The following NRDE2 variants were observed in gnomAD, a reference collection of about 807,000 sequenced individuals.
NRDE2 encodes NRDE-2, necessary for RNA interference, domain containing.
Under a neutral mutation model 124.2 loss-of-function variants are expected in NRDE2, and 76 were observed. That is an observed-to-expected ratio of 0.61 (90% CI 0.51 to 0.74). NRDE2 has a LOEUF of 0.74. Ranked by LOEUF, NRDE2 falls within the 30% of genes least tolerant of loss-of-function variation. The probability of loss-of-function intolerance (pLI) is 0.00; values close to 1 mark genes in which losing one functional copy is unlikely to be tolerated. For missense variants in NRDE2, 1,314 were observed against 1,417.3 expected, an observed-to-expected ratio of 0.93 and a Z score of 1.17; for synonymous variants, 489 against 528.1, an observed-to-expected ratio of 0.93 and a Z score of 1.01.
At chr14:90,295,068 G>A (rs1327422875) in intron 8 of NRDE2, among the ~76,000 whole-genome samples, 1 of 152,122 alleles carries the variant, frequency 6.6e-6, no homozygotes, top group African/African-American at 2.4e-5. Context: ...AAACTGCCTA[G>A]TACCATAGAA....
rs754413156 is a variant in NRDE2 at position 90,302,842 on chromosome 14, CT to C, written c.1288del (p.Ser430ValfsTer16). 1 of 1,614,154 alleles carries C rather than the reference CT, an allele frequency of 6.2e-7. No individual in the cohort carries two copies. The highest frequency in any genetic ancestry group is 1.3e-5 in the African/African-American group (1 of 75,064). ...KYLLFCQSQF[S>X]TFSISKIHSL... Reference sequence around the variant, plus strand: ...GTGAATTTTTGATATCGAAAAGGTACTAAACTGGCTCTGGCAAAATAAAAGG... The same window carrying C: ...GTGAATTTTTGATATCGAAAAGGTACAAACTGGCTCTGGCAAAATAAAAGG... On this transcript the variant is annotated frameshift_variant, in exon 6 of 14. Coordinates refer to ENST00000354366, the MANE Select transcript of NRDE2 (RefSeq NM_017970.4). LOFTEE classifies it high-confidence loss of function.
chr14:90,306,637 C>T (rs1884612392), intron 4 of NRDE2, among the ~76,000 whole-genome samples: 1 of 151,700 alleles, frequency 6.6e-6, no homozygotes, highest in African/African-American at 2.4e-5. Context: ...ATGGTGAAAC[C>T]CCGTCTCTAC....
rs562444556 is a variant in NRDE2 at position 90,276,244 on chromosome 14, A to T, written c.*2092T>A. 2 of 109,546 alleles carry T rather than the reference A, an allele frequency of 1.8e-5. No individual in the cohort carries two copies. The highest frequency in any genetic ancestry group is 1.2e-4 in the Admixed American group (1 of 8,158). The allele number at this position is 109,546 out of a possible 1,614,324, so 6.8% of individuals were successfully genotyped here. On this transcript the variant is annotated 3_prime_UTR_variant, in exon 14 of 14. Transcript: ENST00000354366. ...TTTTTTTTTTTTTTTTTCGAGACGG[A>T]GTCTTGCTGTGTCGCCCAGGCTGGA... is the stretch of plus-strand genomic sequence containing the variant.
At chr14:90,309,804 T>C (rs569187088) in intron 4 of NRDE2, among the ~76,000 whole-genome samples, 5 of 152,314 alleles carry the variant, frequency 3.3e-5, no homozygotes, top group African/African-American at 1.2e-4. Context: ...TTAACAGTTA[T>C]ATAGCTACTA....
intron 4 of NRDE2, 21 bp downstream of exon 4, chr14:90,312,372 TG>T (rs768903039): frequency 1.4e-4 from 218 of 1,612,372 alleles, no homozygotes; most frequent in Non-Finnish European, 1.8e-4. Flanking sequence ...CAGTGAAAAC[TG>T]GGGGAAAACA....
At chr14:90,308,078 G>C (rs950379162) in intron 4 of NRDE2, among the ~76,000 whole-genome samples, 1 of 152,146 alleles carries the variant, frequency 6.6e-6, no homozygotes, top group Non-Finnish European at 1.5e-5. Context: ...TTAGAAGAGT[G>C]TCTGCCATAT....
At chr14:90,315,945 G>A (rs114837455) in intron 3 of NRDE2, among the ~76,000 whole-genome samples, 1,273 of 95,928 alleles carry the variant, frequency 0.013, 23 homozygotes, top group African/African-American at 0.05. Context: ...CAACTGGAGT[G>A]AAACCCCGTC....
At chr14:90,288,111 G>A (rs560473804) in intron 11 of NRDE2, 106 bp downstream of exon 11, 18 of 1,033,556 alleles carry the variant, frequency 1.7e-5, no homozygotes, top group South Asian at 9.3e-5. Flanking sequence ...TCTGGGCACC[G>A]TGCCATGTTC....
rs1448840896 is a variant in NRDE2 at position 90,290,465 on chromosome 14, T to C, written c.1985A>G (p.Asp662Gly). 1 of 1,613,866 alleles carries C rather than the reference T, an allele frequency of 6.2e-7. No individual in the cohort carries two copies. Among genetic ancestry groups the C allele is most frequent in the African/African-American group, 1.3e-5 (1 of 74,866 alleles). ...TCCATTATCAAAGATGCTGTTCTCA[T>C]CCATGGCCAGATAAAGACAGGAGGC... ...PPASCLYLAM[D>G]ENSIFDNGLY... The change falls in exon 10 of 14, where the codon GAT (aspartate) becomes GGT (glycine). Residue 662 changes from aspartate to glycine, a missense_variant. By Grantham distance (94) the Asp-to-Gly change is moderately conservative (BLOSUM62 -1). Transcript: ENST00000354366.
chr14:90,292,642 G>A lies in NRDE2; in HGVS notation c.1842+55C>T, dbSNP rs548320826. On this transcript the variant is annotated intron_variant, in intron 9 of 13. Transcript: ENST00000354366. ...CAGATAACCAAAGCGCATGGGAATG[G>A]AAAGCAGGCAGGGACCCCCTGGACA... 7 of 1,571,384 alleles carry A rather than the reference G, an allele frequency of 4.5e-6. No homozygotes were observed. In the South Asian group the frequency reaches 6.8e-5, roughly 15 times the overall value.
intron 5 of NRDE2, 57 bp downstream of exon 5, chr14:90,303,878 T>C (rs1595067341): frequency 4.7e-6 from 7 of 1,493,356 alleles, no homozygotes; most frequent in Middle Eastern, 1.9e-4. Flanking sequence ...GTCCATCAGT[T>C]TGCCCAAAAT....
chr14:90,269,559 C>T lies in NRDE2; in HGVS notation c.*8777G>A, dbSNP rs1891606754. 1 of 1,611,738 alleles carries T rather than the reference C, an allele frequency of 6.2e-7. No individual in the cohort carries two copies. The highest frequency in any genetic ancestry group is 8.5e-7 in the Non-Finnish European group (1 of 1,178,794). On this transcript the variant is annotated 3_prime_UTR_variant, in exon 14 of 14. Transcript: ENST00000354366. ...CACTTATCAGACCAGGTTAAATTTG[C>T]TTTGGTTTCATCATGGAGATTAATG...
At chr14:90,303,698 C>T (rs186119042) in intron 5 of NRDE2, among the ~76,000 whole-genome samples, 56 of 152,330 alleles carry the variant, frequency 3.7e-4, no homozygotes, top group Admixed American at 3.5e-3. Context: ...CATTCCCTCA[C>T]TCCACTCCCA....
chr14:90,290,373 T>C lies in NRDE2; in HGVS notation c.2077A>G (p.Met693Val). 6.2e-7 allele frequency: 1 copy of C among 1,614,120 alleles called. No individual in the cohort carries two copies. The highest frequency in any genetic ancestry group is 8.5e-7 in the Non-Finnish European group (1 of 1,180,030). The change falls in exon 10 of 14, where the codon ATG becomes GTG. Residue 693 changes from methionine to valine, a missense_variant. Transcript: ENST00000354366. The stretch of plus-strand genomic sequence containing the variant: ...CAGCGAGGATAGCCCAACCTATCCA[T>C]GCGGCCAACACAGCTAGCCCCAGAA... Reference protein sequence around the residue: ...LFSGASCVGRMDRLGYPRWTR... With the variant: ...LFSGASCVGRVDRLGYPRWTR...
chr14:90,267,958 A>G lies in NRDE2; in HGVS notation c.*10378T>C. ...CAGGGGAAACTGGGTCAAGGTTGGA[A>G]AATAACCAAGTAAAAAGTATTTTCT... On this transcript the variant is annotated 3_prime_UTR_variant, in exon 14 of 14. Transcript: ENST00000354366. 1 of 337,986 alleles carries G rather than the reference A, an allele frequency of 3.0e-6. No individual in the cohort carries two copies. The allele number at this position is 337,986 out of a possible 1,614,324, so 20.9% of individuals were successfully genotyped here. A position where few individuals can be genotyped will look rare whatever the true frequency, so the allele number is the denominator to read the frequency against.
chr14:90,323,318 C>T (rs1457816363), intron 1 of NRDE2, among the ~76,000 whole-genome samples: 1 of 152,184 alleles, frequency 6.6e-6, no homozygotes, highest in Admixed American at 6.5e-5. Context: ...AATTCTATTA[C>T]ACATAGAGGG....
At position 90,292,760 on chromosome 14, in the gene NRDE2, C is replaced by T; in HGVS notation, c.1779G>A (p.Arg593=). The change falls in exon 9 of 14, where the codon CGG becomes CGA. Residue 593 remains arginine, a synonymous_variant. Transcript: ENST00000354366. ...AERSRDQRHW[R]PWRPDKTKKQ... The stretch of plus-strand genomic sequence containing the variant: ...TCTTGGTCTTATCAGGGCGCCAGGG[C>T]CGCCAGTGCCTCTGGTCACGGGAAC... 1 of 1,614,204 alleles carries T rather than the reference C, an allele frequency of 6.2e-7. No individual in the cohort carries two copies. Among genetic ancestry groups the T allele is most frequent in the Non-Finnish European group, 8.5e-7 (1 of 1,180,028 alleles).
chr14:90,302,492 C>A (rs912788807), intron 6 of NRDE2, among the ~76,000 whole-genome samples: 2 of 152,136 alleles, frequency 1.3e-5, no homozygotes, highest in African/African-American at 2.4e-5. Flanking sequence ...ATCAGCAGAA[C>A]CTTGTCCAGT....
At chr14:90,322,378 T>G (rs1283955779) in intron 1 of NRDE2, among the ~76,000 whole-genome samples, 1 of 152,208 alleles carries the variant, frequency 6.6e-6, no homozygotes, top group Non-Finnish European at 1.5e-5. Flanking sequence ...CCATGACTAT[T>G]CACTACTGTA....
Sources: gnomAD v4.1 joint callset for allele counts (sites outside exome capture counted in the v4.1 genomes callset) on GRCh38, gnomAD v4.1.1 for gene constraint, MANE v1.5 for transcripts, NCBI Gene and HGNC (gene_info 2026-07-23, HGNC 2026-07-21) for gene names.